The following COL4A5 variants were observed in gnomAD, a reference collection of about 807,000 sequenced individuals.
COL4A5 encodes the protein collagen type IV alpha 5 chain.
A neutral mutation model predicts 130.2 loss-of-function variants in COL4A5; 26 were observed. That is an observed-to-expected ratio of 0.20 (90% CI 0.15 to 0.28). The LOEUF is 0.28. Ranked by LOEUF, COL4A5 falls within the 10% of genes least tolerant of loss-of-function variation. The probability of loss-of-function intolerance (pLI) is 1.00; values close to 1 mark genes in which losing one functional copy is unlikely to be tolerated. For missense variants in COL4A5, 1,131 were observed against 1,344.3 expected, an observed-to-expected ratio of 0.84 and a Z score of 2.48; for synonymous variants, 496 against 439.6, an observed-to-expected ratio of 1.13 and a Z score of -1.60.
At chrX:108,600,526 G>C (rs905263130) in intron 25 of COL4A5, among the ~76,000 whole-genome samples, 1 of 111,309 alleles carries the variant, frequency 9.0e-6, no homozygotes, top group African/African-American at 3.3e-5. Flanking sequence ...GTTTACTACA[G>C]TTTGATTTTT....
At chrX:108,457,234 CTGGGTT>C (rs1172874089) in intron 1 of COL4A5, among the ~76,000 whole-genome samples, 5 of 111,818 alleles carry the variant, frequency 4.5e-5, no homozygotes, top group African/African-American at 1.6e-4. Flanking sequence ...AATGGAATTG[CTGGGTT>C]GTAGCATTAG....
rs140115969 is a variant in COL4A5 at position 108,598,186 on chromosome X, C to T, written c.1780-516C>T. 2.7e-3 allele frequency among the ~76,000 whole-genome samples: 298 copies of T among 110,858 alleles called. 1 individual carries two copies. Among genetic ancestry groups the T allele is most frequent in the Middle Eastern group, 9.3e-3 (2 of 216 alleles). On this transcript the variant is annotated intron_variant, in intron 24 of 52. Coordinates refer to ENST00000328300, the MANE Select transcript of COL4A5 (RefSeq NM_033380.3). ...ACCCTGGGCAACAAGAGCAAAACTC[C>T]ATCACAATAAATTAAATAAATAAAT... is the stretch of plus-strand genomic sequence containing the variant.
At chrX:108,632,598 C>G (rs1181779741) in intron 36 of COL4A5, among the ~76,000 whole-genome samples, 1 of 111,399 alleles carries the variant, frequency 9.0e-6, no homozygotes, top group Admixed American at 9.5e-5. Context: ...TACTGGCAAA[C>G]TGAATCCAGC....
chrX:108,614,551 G>T (rs2066891766), intron 29 of COL4A5, among the ~76,000 whole-genome samples: 1 of 111,701 alleles, frequency 9.0e-6, no homozygotes, highest in Non-Finnish European at 1.9e-5. Context: ...CCCTGAGTTA[G>T]TAAAAAGGAA....
intron 1 of COL4A5, among the ~76,000 whole-genome samples, chrX:108,499,792 CTGTGTGTA>C (rs937908046): frequency 9.0e-6 from 1 of 111,597 alleles, no homozygotes; most frequent in Non-Finnish European, 1.9e-5. Context: ...AAACATACGT[CTGTGTGTA>C]TGTGTGTATT....
intron 19 of COL4A5, among the ~76,000 whole-genome samples, chrX:108,589,891 A>G (rs2066402479): frequency 9.0e-6 from 1 of 111,426 alleles, no homozygotes; most frequent in Non-Finnish European, 1.9e-5. Context: ...CTGGCAAAGG[A>G]CTAATATCCA....
chrX:108,543,320 A>G (rs1325214998), intron 2 of COL4A5, among the ~76,000 whole-genome samples: 10 of 111,884 alleles, frequency 8.9e-5, no homozygotes, highest in Admixed American at 2.8e-4. Context: ...TCAGCTTTCT[A>G]CATATGGCTA....
intron 36 of COL4A5, among the ~76,000 whole-genome samples, chrX:108,632,824 G>A (rs750172802): frequency 6.3e-5 from 7 of 111,586 alleles, no homozygotes; most frequent in Non-Finnish European, 9.4e-5. Context: ...TTGATGGAAC[G>A]TATCTCAAAA....
chrX:108,632,146 A>T (rs1338004426), intron 36 of COL4A5, among the ~76,000 whole-genome samples: 1 of 111,659 alleles, frequency 9.0e-6, no homozygotes. Context: ...TAAAAGGAAT[A>T]TCATCACCGA....
At chrX:108,560,254 G>A (rs1409851899) in intron 3 of COL4A5, among the ~76,000 whole-genome samples, 1 of 111,893 alleles carries the variant, frequency 8.9e-6, no homozygotes, top group Non-Finnish European at 1.9e-5. Flanking sequence ...ACGTTAGAGA[G>A]CCAGGAGGCT....
At chrX:108,511,436 T>C (rs950315298) in intron 1 of COL4A5, among the ~76,000 whole-genome samples, 13 of 111,873 alleles carry the variant, frequency 1.2e-4, no homozygotes, top group Non-Finnish European at 2.4e-4. Context: ...TCTCAGCTGG[T>C]TTCTTTGCAG....
chrX:108,564,106 G>A (rs1024397191), intron 4 of COL4A5, among the ~76,000 whole-genome samples, 180 bp downstream of exon 4: 1 of 111,319 alleles, frequency 9.0e-6, no homozygotes, highest in Non-Finnish European at 1.9e-5. Flanking sequence ...TTAGTATTTT[G>A]ATAGCTATTA....
chrX:108,612,699 A>G (rs1370776751), intron 29 of COL4A5, among the ~76,000 whole-genome samples: 1 of 111,620 alleles, frequency 9.0e-6, no homozygotes, highest in Non-Finnish European at 1.9e-5. Flanking sequence ...TATTGTTAAG[A>G]TATCAGTTTT....
intron 1 of COL4A5, among the ~76,000 whole-genome samples, chrX:108,532,520 A>C (rs1215914915): frequency 8.0e-5 from 9 of 111,938 alleles, no homozygotes; most frequent in Non-Finnish European, 7.5e-5. Context: ...AACTGGAACA[A>C]GACAAGGATG....
intron 7 of COL4A5, 88 bp downstream of exon 7, chrX:108,571,554 G>A: frequency 1.4e-6 from 1 of 706,392 alleles, no homozygotes; most frequent in Non-Finnish European, 2.3e-6. Flanking sequence ...CATTCATGTG[G>A]AACAAAGTAA....
At chrX:108,458,449 C>A (rs2064605611) in intron 1 of COL4A5, among the ~76,000 whole-genome samples, 1 of 111,815 alleles carries the variant, frequency 8.9e-6, no homozygotes, top group Non-Finnish European at 1.9e-5. Context: ...GGTCTGAAAT[C>A]AGGTAATGTA....
Position 108,622,825 on chromosome X carries a change from G to A in COL4A5, c.2917G>A (p.Gly973Ser), listed in dbSNP as rs1414058639. 1 of 1,202,811 alleles carries A rather than the reference G, an allele frequency of 8.3e-7. No homozygotes were observed. The highest frequency in any genetic ancestry group is 1.1e-6 in the Non-Finnish European group (1 of 891,539). Residue 973 changes from glycine to serine, a missense_variant and splice_region_variant, in exon 33 of 53, where the codon GGT becomes AGT. Transcript: ENST00000328300. ...AGAGAAGGGGGAACCTGGCTTACCA[G>A]GTGAGTGAATGAATTTATTTATGAA... Reference protein sequence around the residue: ...KGEKGEPGLPGIPGVSGPKGY... With the variant: ...KGEKGEPGLPSIPGVSGPKGY...
At chrX:108,492,378 C>G (rs971153449) in intron 1 of COL4A5, among the ~76,000 whole-genome samples, 2 of 111,908 alleles carry the variant, frequency 1.8e-5, no homozygotes, top group Admixed American at 1.9e-4. Flanking sequence ...GAAAAAGTCA[C>G]TAAACAAACA....
intron 8 of COL4A5, among the ~76,000 whole-genome samples, 176 bp downstream of exon 8, chrX:108,572,013 C>T (rs1162983019): frequency 1.8e-5 from 2 of 111,721 alleles, no homozygotes; most frequent in African/African-American, 6.5e-5. Context: ...GCTTTAAGTA[C>T]CTTGTATGTG....
Sources: allele counts gnomAD v4.1 joint callset (sites outside exome capture counted in the v4.1 genomes callset), GRCh38; gene constraint gnomAD v4.1.1; transcripts MANE v1.5; gene names NCBI Gene and HGNC (gene_info 2026-07-23, HGNC 2026-07-21).